Variants in NEGR1 observed in about 807,000 individuals in gnomAD.
NEGR1 encodes the protein IgLON family member 4.
A neutral mutation model predicts 40.9 loss-of-function variants in NEGR1; 10 were observed. The ratio of observed to expected loss-of-function variants is 0.24; its 90% CI spans 0.15 to 0.42. NEGR1 has a LOEUF of 0.42. Among genes scored for constraint, NEGR1 ranks in the 10% least tolerant of loss-of-function variants. NEGR1 has a pLI of 1.00. For missense variants in NEGR1, 352 were observed against 438.9 expected (o/e 0.80, Z 1.77); for synonymous variants, 185 against 166.8 (o/e 1.11, Z -0.84).
At chr1:72,160,385 GTTC>G (rs1651508420) in intron 1 of NEGR1, among the ~76,000 whole-genome samples, 2 of 152,084 alleles carry the variant, frequency 1.3e-5, no homozygotes, top group South Asian at 2.1e-4. Flanking sequence ...AGTTTCATTA[GTTC>G]TTCTTCTCCT....
chr1:71,961,142 T>C (rs894768231), intron 1 of NEGR1, among the ~76,000 whole-genome samples: 7 of 152,176 alleles, frequency 4.6e-5, no homozygotes, highest in Non-Finnish European at 8.8e-5. Flanking sequence ...TTATTCACTA[T>C]TAAGTTGCCA....
intron 1 of NEGR1, among the ~76,000 whole-genome samples, chr1:72,116,991 T>C (rs999810926): frequency 6.6e-6 from 1 of 151,794 alleles, no homozygotes; most frequent in Non-Finnish European, 1.5e-5. Flanking sequence ...GAGCTTATTA[T>C]TGCTGATCTA....
chr1:71,554,867 A>G (rs1648204749), intron 6 of NEGR1, among the ~76,000 whole-genome samples: 4 of 151,468 alleles, frequency 2.6e-5, no homozygotes, highest in Admixed American at 2.6e-4. Flanking sequence ...CTTAAAGGGG[A>G]CGCTTTAGAG....
chr1:71,769,813 G>A (rs1431018842), intron 3 of NEGR1, among the ~76,000 whole-genome samples: 1 of 152,124 alleles, frequency 6.6e-6, no homozygotes, highest in African/African-American at 2.4e-5. Flanking sequence ...CATTTCAAAA[G>A]TATATTAACA....
chr1:71,764,845 G>GA (rs1461160600), intron 3 of NEGR1, among the ~76,000 whole-genome samples: 2 of 152,244 alleles, frequency 1.3e-5, no homozygotes, highest in East Asian at 1.9e-4. Flanking sequence ...TGAGCTGATC[G>GA]AAAATCAGAA....
At chr1:71,958,183 T>C (rs1471293216) in intron 1 of NEGR1, among the ~76,000 whole-genome samples, 1 of 152,190 alleles carries the variant, frequency 6.6e-6, no homozygotes, top group Non-Finnish European at 1.5e-5. Flanking sequence ...CATGACAAAA[T>C]GAGAGATGAA....
intron 2 of NEGR1, among the ~76,000 whole-genome samples, chr1:71,922,961 G>A (rs1645734345): frequency 6.6e-6 from 1 of 152,022 alleles, no homozygotes; most frequent in Admixed American, 6.6e-5. Context: ...AACTACTTAA[G>A]AAAAAGAATA....
intron 6 of NEGR1, among the ~76,000 whole-genome samples, chr1:71,557,987 T>G (rs1432833315): frequency 1.3e-5 from 2 of 151,558 alleles, no homozygotes; most frequent in African/African-American, 4.8e-5. Flanking sequence ...TTTGGATTTC[T>G]CTGATATTTT....
chr1:72,231,849 A>G (rs963486863), intron 1 of NEGR1, among the ~76,000 whole-genome samples: 2 of 152,170 alleles, frequency 1.3e-5, no homozygotes, highest in East Asian at 1.9e-4. Context: ...CTTCACAAAG[A>G]AAGTAAGATT....
At chr1:72,233,950 T>TC (rs754732950) in intron 1 of NEGR1, among the ~76,000 whole-genome samples, 25 of 152,084 alleles carry the variant, frequency 1.6e-4, no homozygotes, top group Non-Finnish European at 2.6e-4. Flanking sequence ...AGCCACAGCT[T>TC]CCCCAAAAGC....
chr1:72,214,067 A>AT (rs1427329146), intron 1 of NEGR1, among the ~76,000 whole-genome samples: 1 of 152,132 alleles, frequency 6.6e-6, no homozygotes, highest in African/African-American at 2.4e-5. Context: ...CAACATACGC[A>AT]AATCAATAAA....
At chr1:71,436,229 C>CAAAA (rs376091954) in intron 6 of NEGR1, among the ~76,000 whole-genome samples, 1,529 of 122,908 alleles carry the variant, frequency 0.012, 36 homozygotes, top group African/African-American at 0.042. Flanking sequence ...GTGAATATGG[C>CAAAA]AAAAAAAAAA....
intron 6 of NEGR1, among the ~76,000 whole-genome samples, chr1:71,528,808 C>T (rs796105121): frequency 2.6e-5 from 4 of 151,046 alleles, no homozygotes; most frequent in South Asian, 2.1e-4. Context: ...ACAATTGTTT[C>T]GGTTTTTTCC....
chr1:72,039,598 A>G (rs1646934246), intron 1 of NEGR1, among the ~76,000 whole-genome samples: 1 of 152,004 alleles, frequency 6.6e-6, no homozygotes, highest in Non-Finnish European at 1.5e-5. Context: ...CCCGATACCA[A>G]CTCAATATTG....
chr1:71,779,823 C>A (rs901395106), intron 2 of NEGR1, among the ~76,000 whole-genome samples: 3 of 151,984 alleles, frequency 2.0e-5, no homozygotes, highest in African/African-American at 4.8e-5. Flanking sequence ...CCTGCCTCTG[C>A]CTCCCAAAGT....
chr1:72,186,940 T>G (rs530285357), intron 1 of NEGR1, among the ~76,000 whole-genome samples: 2 of 151,738 alleles, frequency 1.3e-5, no homozygotes, highest in South Asian at 4.1e-4. Flanking sequence ...ATTGTTACTT[T>G]TCTCTCCCTT....
intron 1 of NEGR1, among the ~76,000 whole-genome samples, chr1:72,213,718 T>C (rs1653694721): frequency 6.6e-6 from 1 of 152,046 alleles, no homozygotes; most frequent in South Asian, 2.1e-4. Context: ...ATTGAGGCTG[T>C]AATTAATAGA....
intron 1 of NEGR1, among the ~76,000 whole-genome samples, chr1:72,061,872 G>A (rs941318013): frequency 2.4e-4 from 36 of 151,692 alleles, no homozygotes; most frequent in African/African-American, 8.5e-4. Context: ...ACCCTTTTGT[G>A]TTCCTTTCTC....
intron 2 of NEGR1, among the ~76,000 whole-genome samples, chr1:71,918,203 C>A (rs1398907867): frequency 2.2e-5 from 2 of 89,198 alleles, no homozygotes; most frequent in Admixed American, 1.8e-4. Context: ...GGCGACAGAA[C>A]GAGACTCTGT....
Sources: allele counts gnomAD v4.1 joint callset (sites outside exome capture counted in the v4.1 genomes callset), GRCh38; gene constraint gnomAD v4.1.1; transcripts MANE v1.5; gene names NCBI Gene and HGNC (gene_info 2026-07-23, HGNC 2026-07-21).